The following PTPN23 variants were observed in gnomAD, a reference collection of about 807,000 sequenced individuals.
PTPN23 encodes tyrosine-protein phosphatase non-receptor type 23.
A neutral mutation model predicts 156.3 loss-of-function variants in PTPN23; 72 were observed. The observed-to-expected ratio is 0.46, with a 90% CI of 0.38 to 0.56. The LOEUF (loss-of-function observed/expected upper bound fraction) is 0.56. PTPN23 is among the 20% of genes least tolerant of loss of function. The pLI, the probability that PTPN23 is intolerant of heterozygous loss-of-function variation, is 0.00. For synonymous variants in PTPN23, 957 were observed against 899.6 expected, an observed-to-expected ratio of 1.06 and a Z score of -1.14; for missense variants, 1,974 against 2,171.5, an observed-to-expected ratio of 0.91 and a Z score of 1.81.
At chr3:47,389,936 G>A (rs1182058036) in intron 1 of PTPN23, among the ~76,000 whole-genome samples, 2 of 151,792 alleles carry the variant, frequency 1.3e-5, no homozygotes, top group African/African-American at 4.8e-5. Flanking sequence ...AGCTGGGTAT[G>A]GCTGCATGCA....
intron 1 of PTPN23, among the ~76,000 whole-genome samples, chr3:47,383,036 G>A (rs372443769): frequency 6.6e-6 from 1 of 151,946 alleles, no homozygotes; most frequent in East Asian, 1.9e-4. Context: ...CTTTTTTTTG[G>A]AGACGGAGTC....
chr3:47,399,841 C>CA (rs1299425274), intron 2 of PTPN23, among the ~76,000 whole-genome samples: 2 of 152,166 alleles, frequency 1.3e-5, no homozygotes, highest in Non-Finnish European at 1.5e-5. Context: ...TTTTTAAAGA[C>CA]AGAGTCTCAC....
Position 47,405,604 on chromosome 3 carries a change from T to C in PTPN23, c.365-145T>C. On this transcript the variant is annotated intron_variant, in intron 4 of 24. Transcript: ENST00000265562. The surrounding 1 kb of genome is among the most constrained non-coding windows in gnomAD (Gnocchi z 4.7). ...AGGACTTCTGAGTTTCCCTGTTCCC[T>C]CCAGCTTGGGTGTCCTTGGACTCGT... 1.3e-6 allele frequency: 1 copy of C among 796,070 alleles called. No individual in the cohort carries two copies. Among genetic ancestry groups the C allele is most frequent in the Non-Finnish European group, 2.0e-6 (1 of 495,362 alleles). The allele number at this position is 796,070 out of a possible 1,614,324, so 49.3% of individuals were successfully genotyped here.
intron 1 of PTPN23, among the ~76,000 whole-genome samples, chr3:47,390,205 A>C (rs560278171): frequency 3.9e-5 from 6 of 152,200 alleles, no homozygotes; most frequent in Admixed American, 6.5e-5. Context: ...ACTGCACTCC[A>C]GCCTGCCTGA....
intron 17 of PTPN23, 22 bp from the exon 18 acceptor site, chr3:47,409,395 C>T (rs1705209971): frequency 6.2e-7 from 1 of 1,613,844 alleles, no homozygotes; most frequent in Non-Finnish European, 8.5e-7. Flanking sequence ...GTGTCCGTCC[C>T]TGGCCCCCAC....
chr3:47,412,923 C>T lies in PTPN23; in HGVS notation c.4649C>T (p.Ser1550Phe), dbSNP rs759921646. 5.7e-6 allele frequency: 9 copies of T among 1,567,578 alleles called. No individual in the cohort carries two copies. In the South Asian group the frequency reaches 8.9e-5, roughly 16 times the overall value. Residue 1550 changes from serine to phenylalanine, a missense_variant, in exon 25 of 25, where the codon TCC (serine) becomes TTC (phenylalanine). Ser to Phe is a radical substitution (Grantham distance 155, BLOSUM62 -2). Around this residue, in one of 4 missense-constraint regions of PTPN23, gnomAD observed 484 missense variants for 516.0 expected, o/e 0.94. Coordinates refer to ENST00000265562, the MANE Select transcript of PTPN23 (RefSeq NM_015466.4). ...IPSSSPPPLS[S>F]PLPEAPQPKE... ...TCTTCCTCCCCGCCCCCCCTTTCCT[C>T]CCCACTACCTGAGGCTCCCCAGCCT...
At chr3:47,395,156 C>T (rs1408303319) in intron 1 of PTPN23, among the ~76,000 whole-genome samples, 1 of 152,204 alleles carries the variant, frequency 6.6e-6, no homozygotes, top group African/African-American at 2.4e-5. Context: ...CATCCTGGGT[C>T]CTGGGAAGGG....
chr3:47,410,422 TG>T lies in PTPN23; in HGVS notation c.2626del (p.Ala876ArgfsTer9). The T allele has an allele frequency of 6.2e-7, 1 of 1,611,834 alleles. No individual in the cohort carries two copies. Among genetic ancestry groups the T allele is most frequent in the Non-Finnish European group, 8.5e-7 (1 of 1,179,424 alleles). ...PPQFSGPELA[M>X]AVRPATTTVD... ...CAATTCTCAGGCCCCGAGTTGGCCA[TG>T]GCGGTTCGGCCAGCCACCACCACAG... is the stretch of plus-strand genomic sequence containing the variant. On this transcript the variant is annotated frameshift_variant, in exon 20 of 25. Coordinates refer to ENST00000265562, the MANE Select transcript of PTPN23 (RefSeq NM_015466.4). LOFTEE classifies it high-confidence loss of function.
chr3:47,410,757 C>A lies in PTPN23; in HGVS notation c.2959C>A (p.Gln987Lys). The A allele has an allele frequency of 6.4e-7, 1 of 1,556,182 alleles. No homozygotes were observed. Among genetic ancestry groups the A allele is most frequent in the South Asian group, 1.2e-5 (1 of 84,878 alleles). The change falls in exon 20 of 25, where the codon CAG becomes AAG. Residue 987 changes from glutamine to lysine, a missense_variant. By Grantham distance (53) the Gln-to-Lys change is moderately conservative. This residue lies in a region of PTPN23 where 731 missense variants were observed against 669.1 expected (regional missense o/e 1.09). Transcript: ENST00000265562. ...CCAGCATCCACATCTCTTCCCACCC[C>A]AGGCCCCAGGACTCCTACCCCCACA... ...PLQHPHLFPP[Q>K]APGLLPPQSP...
intron 1 of PTPN23, among the ~76,000 whole-genome samples, chr3:47,386,417 C>T (rs1399538506): frequency 6.6e-6 from 1 of 152,180 alleles, no homozygotes; most frequent in Non-Finnish European, 1.5e-5. Context: ...CTGCCCACCT[C>T]GGTCTCCCAA....
Position 47,411,687 on chromosome 3 carries a change from G to A in PTPN23, c.3888+1G>A. The A allele has an allele frequency of 6.2e-7, 1 of 1,602,220 alleles. No homozygotes were observed. The highest frequency in any genetic ancestry group is 8.5e-7 in the Non-Finnish European group (1 of 1,171,914). On this transcript the variant is annotated splice_donor_variant, in intron 20 of 24. Transcript: ENST00000265562. LOFTEE classifies it high-confidence loss of function. This position sits in a 1 kb window ranked among gnomAD's most constrained non-coding sequence, Gnocchi z 6.3. ...GGTTTCTGAGGCTGAGATGGAGAAG[G>A]TGAGAAGAGGGGGTGGGTGCCCACG...
In PTPN23 at chr3:47,411,042, C is replaced by G. The variant is rs1705272502; in HGVS notation, c.3244C>G (p.Pro1082Ala). 1 of 1,587,418 alleles carries G rather than the reference C, an allele frequency of 6.3e-7. No homozygotes were observed. Among genetic ancestry groups the G allele is most frequent in the African/African-American group, 1.3e-5 (1 of 74,494 alleles). The change falls in exon 20 of 25, where the codon CCC becomes GCC. Residue 1082 changes from proline (P) to alanine (A), a missense_variant. Pro to Ala is a conservative substitution (Grantham distance 27, BLOSUM62 -1). Transcript: ENST00000265562. This position sits in a 1 kb window ranked among gnomAD's most constrained non-coding sequence, Gnocchi z 6.3. ...GTCTGCTGGCCAGTCCACCCCTAGT[C>G]CCCACCTGGTGCCTTCACCTGCCCC... is the stretch of plus-strand genomic sequence containing the variant. ...PSSAGQSTPS[P>A]HLVPSPAPSP...
rs767342721 is a variant in PTPN23 at position 47,412,268 on chromosome 3, C to A, written c.4179-15C>A. 10 of 1,612,844 alleles carry A rather than the reference C, an allele frequency of 6.2e-6. 1 individual carries two copies. Among genetic ancestry groups the A allele is most frequent in the African/African-American group, 1.3e-5 (1 of 74,926 alleles). On this transcript the variant is annotated splice_polypyrimidine_tract_variant and intron_variant, in intron 22 of 24. Transcript: ENST00000265562. The stretch of plus-strand genomic sequence containing the variant: ...TAGCCTCATACCCCGGCCTCATAAC[C>A]CCTTCTTGGCACAGCTCTGGTGTGG...
Position 47,413,276 on chromosome 3 carries a change from C to T in PTPN23, c.*91C>T. 6.7e-7 allele frequency: 1 copy of T among 1,490,014 alleles called. No homozygotes were observed. Among genetic ancestry groups the T allele is most frequent in the South Asian group, 1.3e-5 (1 of 77,066 alleles). The allele number at this position is 1,490,014 out of a possible 1,614,324, so 92.3% of individuals were successfully genotyped here. A position where few individuals can be genotyped will look rare whatever the true frequency, so the allele number is the denominator to read the frequency against. On this transcript the variant is annotated 3_prime_UTR_variant, in exon 25 of 25. Coordinates refer to ENST00000265562, the MANE Select transcript of PTPN23 (RefSeq NM_015466.4). Reference sequence around the variant, plus strand: ...AGCAGAGCTTCTCAGTGGGCACAGTCTCTTACTCCCATTTCTGCTGCCTTT... The same window carrying T: ...AGCAGAGCTTCTCAGTGGGCACAGTTTCTTACTCCCATTTCTGCTGCCTTT...
At chr3:47,391,161 C>T (rs780710883) in intron 1 of PTPN23, among the ~76,000 whole-genome samples, 8 of 152,132 alleles carry the variant, frequency 5.3e-5, no homozygotes, top group Non-Finnish European at 1.0e-4. Context: ...TACTTGGACC[C>T]AGGAGTTTGA....
rs371813959 is a variant in PTPN23, at chr3:47,406,816, C to T, written c.807+66C>T. On this transcript the variant is annotated intron_variant, in intron 9 of 24. Transcript: ENST00000265562. This position sits in a 1 kb window ranked among gnomAD's most constrained non-coding sequence, Gnocchi z 5.8. ...CTTCAGTGAGATGCCGGTGTGCTCC[C>T]GCTCCTTACACACCAGGGGGTGGCC... 23 of 1,586,084 alleles carry T rather than the reference C, an allele frequency of 1.5e-5. No individual in the cohort carries two copies. Among genetic ancestry groups the T allele is most frequent in the Middle Eastern group, 2.0e-4 (1 of 5,042 alleles).
chr3:47,412,839 G>T lies in PTPN23; in HGVS notation c.4565G>T (p.Gly1522Val). ...GLESPVASLPGPAEPPGLPPA... is the reference protein window; with the variant it reads ...GLESPVASLPVPAEPPGLPPA... ...GAGTCCCCGGTTGCCAGCTTGCCAG[G>T]CCCTGCAGAGCCCCCAGGCCTCCCG... is the stretch of plus-strand genomic sequence containing the variant. The change falls in exon 25 of 25, where the codon GGC (glycine) becomes GTC (valine). Residue 1522 changes from glycine to valine, a missense_variant. By Grantham distance (109) the Gly-to-Val change is moderately radical. Transcript: ENST00000265562. The T allele has an allele frequency of 6.2e-7, 1 of 1,613,328 alleles. No individual in the cohort carries two copies. Among genetic ancestry groups the T allele is most frequent in the East Asian group, 2.2e-5 (1 of 44,880 alleles).
intron 2 of PTPN23, among the ~76,000 whole-genome samples, chr3:47,402,288 A>G (rs1351345321): frequency 2.0e-5 from 3 of 151,884 alleles, no homozygotes; most frequent in African/African-American, 7.3e-5. Context: ...TATTATTATT[A>G]TTATTATTTG....
Position 47,393,858 on chromosome 3 carries a change from C to G in PTPN23, c.85-2285C>G, listed in dbSNP as rs563761624. Among the ~76,000 whole-genome samples, 4 of 151,704 alleles carry G rather than the reference C, an allele frequency of 2.6e-5. No individual in the cohort carries two copies. In the East Asian group the frequency reaches 7.8e-4, roughly 29 times the overall value. On this transcript the variant is annotated intron_variant, in intron 1 of 24. Transcript: ENST00000265562. ...CTCCCAGGCTGATTCTCCCACCTCTCCCTCTTGAGTAGCTGGGACTACAGG... is the reference window on the plus strand; with the variant it reads ...CTCCCAGGCTGATTCTCCCACCTCTGCCTCTTGAGTAGCTGGGACTACAGG...
Sources: gnomAD v4.1 joint callset for allele counts (sites outside exome capture counted in the v4.1 genomes callset) on GRCh38, gnomAD v4.1.1 for gene constraint, gnomAD v4.1.1 regional missense constraint, Gnocchi (gnomAD v3.1) non-coding constraint, MANE v1.5 for transcripts, NCBI Gene and HGNC (gene_info 2026-07-23, HGNC 2026-07-21) for gene names.